C2CD3: variants seen among roughly 807,000 people sequenced by gnomAD.
C2CD3 encodes C2 domain containing 3 centriole elongation regulator.
Under a neutral mutation model 234.0 loss-of-function variants are expected in C2CD3, and 148 were observed. The ratio of observed to expected loss-of-function variants is 0.63; its 90% CI spans 0.55 to 0.72. The LOEUF (loss-of-function observed/expected upper bound fraction) is 0.72. Ranked by LOEUF, C2CD3 falls within the 30% of genes least tolerant of loss-of-function variation. The probability of loss-of-function intolerance (pLI) is 0.00; values close to 1 mark genes in which losing one functional copy is unlikely to be tolerated. For synonymous variants in C2CD3, 1,000 were observed against 1,035.4 expected (o/e 0.97, Z 0.66); for missense variants, 2,577 against 2,811.5 (o/e 0.92, Z 1.89).
At chr11:74,085,337 G>C (rs1258276834) in intron 21 of C2CD3, among the ~76,000 whole-genome samples, 3 of 151,912 alleles carry the variant, frequency 2.0e-5, no homozygotes, top group African/African-American at 7.3e-5. Context: ...AAAAATTCAG[G>C]TATACAGAAA....
intron 24 of C2CD3, 42 bp from the exon 25 acceptor site, chr11:74,057,586 C>T: frequency 6.2e-7 from 1 of 1,606,870 alleles, no homozygotes; most frequent in Non-Finnish European, 8.5e-7. Context: ...TTAGGGTACA[C>T]AAGAAGCCTC....
At chr11:74,025,113 CT>C (rs1288282709) in intron 32 of C2CD3, among the ~76,000 whole-genome samples, 3 of 152,040 alleles carry the variant, frequency 2.0e-5, no homozygotes, top group Non-Finnish European at 4.4e-5. Flanking sequence ...TACTTTGTAT[CT>C]AGTATTTAAT....
At chr11:74,037,364 A>C in intron 30 of C2CD3, 114 bp downstream of exon 30, 2 of 837,862 alleles carry the variant, frequency 2.4e-6, no homozygotes, top group Non-Finnish European at 3.9e-6. Context: ...AAGAGGGTGA[A>C]AACAATTGGT....
At chr11:74,077,787 A>G (rs1477455279) in intron 23 of C2CD3, among the ~76,000 whole-genome samples, 1 of 3,324 alleles carries the variant, frequency 3.0e-4, no homozygotes, top group Non-Finnish European at 9.6e-4. Context: ...ATATATATAT[A>G]TATATATATA....
rs1418817930 is a variant in C2CD3 at position 74,138,789 on chromosome 11, C to G, written c.886G>C (p.Val296Leu). ...CATGAGTCACTGTGACTCTTGGCAA[C>G]TGTTCTAATTTGAGGCTGGAATTCA... is the stretch of plus-strand genomic sequence containing the variant. Reference protein sequence around the residue: ...SSEFQPQIRTVAKSHSDSCIL... With the variant: ...SSEFQPQIRTLAKSHSDSCIL... Residue 296 changes from valine (V) to leucine (L), a missense_variant, in exon 5 of 33, where the codon GTT (valine) becomes CTT (leucine). Physicochemically the swap from Val to Leu is conservative, Grantham distance 32. Transcript: ENST00000334126. The G allele has an allele frequency of 6.2e-7, 1 of 1,613,372 alleles. No homozygotes were observed. Among genetic ancestry groups the G allele is most frequent in the Admixed American group, 1.7e-5 (1 of 60,008 alleles).
At chr11:74,078,793 A>G (rs1955193726) in intron 22 of C2CD3, 76 bp from the exon 23 acceptor site, 2 of 1,326,612 alleles carry the variant, frequency 1.5e-6, no homozygotes, top group South Asian at 3.0e-5. Context: ...TCTCCACCCC[A>G]TAGTGTCCTA....
chr11:74,102,902 G>T (rs1483282835), intron 14 of C2CD3, among the ~76,000 whole-genome samples: 1 of 152,152 alleles, frequency 6.6e-6, no homozygotes, highest in Non-Finnish European at 1.5e-5. Context: ...AAGAAACAGT[G>T]AGAAACCATG....
intron 30 of C2CD3, among the ~76,000 whole-genome samples, chr11:74,037,020 T>C (rs1952781250): frequency 6.6e-6 from 1 of 152,204 alleles, no homozygotes; most frequent in Non-Finnish European, 1.5e-5. Context: ...ACATCCAGAA[T>C]CATCTAGGGT....
At chr11:74,140,707 G>T (rs1426969602) in intron 3 of C2CD3, among the ~76,000 whole-genome samples, 4 of 152,104 alleles carry the variant, frequency 2.6e-5, no homozygotes, top group African/African-American at 7.2e-5. Flanking sequence ...AGTCTAATAT[G>T]CCTAATAATG....
chr11:74,037,379 A>C, intron 30 of C2CD3, 99 bp downstream of exon 30: 1 of 953,948 alleles, frequency 1.0e-6, no homozygotes, highest in Non-Finnish European at 1.7e-6. Context: ...ATTGGTCTCT[A>C]TTTGTCATAG....
At chr11:74,044,777 A>G (rs1367615797) in intron 28 of C2CD3, among the ~76,000 whole-genome samples, 1 of 152,022 alleles carries the variant, frequency 6.6e-6, no homozygotes, top group African/African-American at 2.4e-5. Context: ...CCCAATGCTT[A>G]GCTGCCACTT....
intron 28 of C2CD3, among the ~76,000 whole-genome samples, chr11:74,043,228 T>C (rs533330836): frequency 1.8e-4 from 28 of 152,368 alleles, no homozygotes; most frequent in African/African-American, 6.0e-4. Flanking sequence ...TTCATATAAA[T>C]GGAATCATAT....
intron 20 of C2CD3, among the ~76,000 whole-genome samples, chr11:74,087,700 G>A (rs1955703149): frequency 6.6e-6 from 1 of 152,196 alleles, no homozygotes; most frequent in Non-Finnish European, 1.5e-5. Context: ...GCAGTGAGAT[G>A]GCAGAAAGGC....
At chr11:74,106,771 T>C (rs1001417348) in intron 12 of C2CD3, among the ~76,000 whole-genome samples, 1 of 152,254 alleles carries the variant, frequency 6.6e-6, no homozygotes, top group African/African-American at 2.4e-5. Context: ...ACTCAAAATG[T>C]TCAACTTCAC....
intron 15 of C2CD3, among the ~76,000 whole-genome samples, chr11:74,099,303 G>T (rs1332636299): frequency 6.6e-6 from 1 of 152,118 alleles, no homozygotes; most frequent in South Asian, 2.1e-4. Context: ...AGATCTTCAC[G>T]ATTGTTCCAC....
intron 11 of C2CD3, among the ~76,000 whole-genome samples, chr11:74,112,446 CAG>C (rs1054872067): frequency 3.8e-4 from 58 of 151,044 alleles, no homozygotes; most frequent in African/African-American, 1.0e-3. Context: ...GAAAAAAAAA[CAG>C]ATAAACTAGA....
intron 28 of C2CD3, among the ~76,000 whole-genome samples, chr11:74,044,937 C>T (rs1192075903): frequency 6.7e-6 from 1 of 149,838 alleles, no homozygotes; most frequent in East Asian, 2.0e-4. Flanking sequence ...TTTGATGAAT[C>T]TAATTTTTTT....
intron 2 of C2CD3, among the ~76,000 whole-genome samples, chr11:74,163,929 A>G (rs1209671758): frequency 6.6e-6 from 1 of 152,316 alleles, no homozygotes; most frequent in East Asian, 1.9e-4. Context: ...CATCTCATTA[A>G]TTCTCTTAAC....
intron 24 of C2CD3, among the ~76,000 whole-genome samples, chr11:74,057,952 G>A (rs1452707535): frequency 6.7e-6 from 1 of 150,374 alleles, no homozygotes; most frequent in Admixed American, 6.6e-5. Context: ...GAGTGAGACC[G>A]TGTCAATCAA....
Sources: allele counts gnomAD v4.1 joint callset (sites outside exome capture counted in the v4.1 genomes callset), GRCh38; gene constraint gnomAD v4.1.1; transcripts MANE v1.5; gene names NCBI Gene and HGNC (gene_info 2026-07-23, HGNC 2026-07-21).